Variants in CAMKMT observed in about 807,000 individuals in gnomAD.
CAMKMT encodes the protein calmodulin-lysine N-methyltransferase, also known as CaM KMT.
In CAMKMT, 53 loss-of-function variants were observed where a neutral mutation model predicts 48.0. The ratio of observed to expected loss-of-function variants is 1.10; its 90% CI spans 0.89 to 1.39. The LOEUF (loss-of-function observed/expected upper bound fraction) is 1.39. CAMKMT is among the 40% of genes most tolerant of loss of function. The pLI, the probability that CAMKMT is intolerant of heterozygous loss-of-function variation, is 0.00. For missense variants in CAMKMT, 428 were observed against 402.7 expected, an observed-to-expected ratio of 1.06 and a Z score of -0.54; for synonymous variants, 165 against 152.3, an observed-to-expected ratio of 1.08 and a Z score of -0.61.
At chr2:44,622,351 T>C (rs761938145) in intron 3 of CAMKMT, among the ~76,000 whole-genome samples, 1 of 152,176 alleles carries the variant, frequency 6.6e-6, no homozygotes, top group East Asian at 1.9e-4. Flanking sequence ...TTAAAAAACA[T>C]TTATTTTAGA....
chr2:44,410,868 A>G (rs1004834016), intron 3 of CAMKMT, among the ~76,000 whole-genome samples: 19 of 152,128 alleles, frequency 1.2e-4, no homozygotes, highest in African/African-American at 4.3e-4. Context: ...CCCACCCCCC[A>G]TCTAAAAATG....
At chr2:44,490,731 C>G (rs1025279639) in intron 3 of CAMKMT, among the ~76,000 whole-genome samples, 1 of 152,066 alleles carries the variant, frequency 6.6e-6, no homozygotes, top group African/African-American at 2.4e-5. Context: ...TCTCTCCATT[C>G]CAGCCTAATA....
chr2:44,397,345 G>T (rs1286563885), intron 3 of CAMKMT, among the ~76,000 whole-genome samples: 1 of 152,196 alleles, frequency 6.6e-6, no homozygotes, highest in Non-Finnish European at 1.5e-5. Context: ...AGAACGCATG[G>T]GTAATGATCA....
chr2:44,766,554 A>C lies in CAMKMT; in HGVS notation c.887A>C (p.His296Pro), dbSNP rs1680850562. The stretch of plus-strand genomic sequence containing the variant: ...TATGATGAACACATTTCAAACTTCC[A>C]CTCCAAGGTTAGTTTTCTGCTTGTG... ...ENYDEHISNF[H>P]SKLKKENPDI... Residue 296 changes from histidine (H) to proline (P), a missense_variant, in exon 10 of 11, where the codon CAC becomes CCC. His to Pro is a moderately conservative substitution (Grantham distance 77). Transcript: ENST00000378494. 1 of 1,613,612 alleles carries C rather than the reference A, an allele frequency of 6.2e-7. No individual in the cohort carries two copies. The highest frequency in any genetic ancestry group is 1.7e-5 in the Admixed American group (1 of 59,952).
chr2:44,518,009 A>G (rs973541581), intron 3 of CAMKMT, among the ~76,000 whole-genome samples: 5 of 151,842 alleles, frequency 3.3e-5, no homozygotes, highest in African/African-American at 1.2e-4. Context: ...CAAACTACCT[A>G]CCCATCTTGG....
chr2:44,478,348 G>A (rs1435236009), intron 3 of CAMKMT, among the ~76,000 whole-genome samples: 1 of 152,098 alleles, frequency 6.6e-6, no homozygotes, highest in Admixed American at 6.6e-5. Context: ...TAGGTTTAGA[G>A]TTTAGCCTTT....
At chr2:44,587,743 GTGCTGGGATTGCAGACGGA>G (rs1252185955) in intron 3 of CAMKMT, among the ~76,000 whole-genome samples, 2 of 134,296 alleles carry the variant, frequency 1.5e-5, no homozygotes, top group African/African-American at 2.8e-5. Context: ...GCCTCCCGAG[GTGCTGGGATTGCAGACGGA>G]GTCTCGTTCA....
chr2:44,401,745 A>T (rs920480432), intron 3 of CAMKMT, among the ~76,000 whole-genome samples: 1 of 152,158 alleles, frequency 6.6e-6, no homozygotes. Context: ...ATATATTTTC[A>T]GTTAAAATTA....
chr2:44,513,220 C>A (rs1572688123), intron 3 of CAMKMT, among the ~76,000 whole-genome samples: 2 of 152,138 alleles, frequency 1.3e-5, no homozygotes, highest in Admixed American at 1.3e-4. Flanking sequence ...AGGCCCCTTC[C>A]TGCACCCACC....
At chr2:44,485,856 G>T (rs968458851) in intron 3 of CAMKMT, among the ~76,000 whole-genome samples, 1 of 152,190 alleles carries the variant, frequency 6.6e-6, no homozygotes, top group Admixed American at 6.5e-5. Context: ...TAGAAATCAG[G>T]ATAATGCTTA....
chr2:44,549,299 C>T (rs1667576261), intron 3 of CAMKMT, among the ~76,000 whole-genome samples: 1 of 152,134 alleles, frequency 6.6e-6, no homozygotes, highest in Non-Finnish European at 1.5e-5. Context: ...ACTCAAGCAT[C>T]CTCCTTCCCA....
At chr2:44,420,248 G>C (rs1683839961) in intron 3 of CAMKMT, among the ~76,000 whole-genome samples, 1 of 152,104 alleles carries the variant, frequency 6.6e-6, no homozygotes, top group Non-Finnish European at 1.5e-5. Context: ...GTATATTTCT[G>C]CATAATTATA....
At chr2:44,744,641 A>G (rs1201451963) in intron 8 of CAMKMT, among the ~76,000 whole-genome samples, 1 of 152,168 alleles carries the variant, frequency 6.6e-6, no homozygotes, top group Non-Finnish European at 1.5e-5. Flanking sequence ...AAGGCCAATC[A>G]TAAGATCCAG....
chr2:44,440,808 T>G (rs1666607902), intron 3 of CAMKMT, among the ~76,000 whole-genome samples: 2 of 152,104 alleles, frequency 1.3e-5, no homozygotes, highest in African/African-American at 4.8e-5. Context: ...ATCGTAATTG[T>G]AGAACCTTTT....
chr2:44,698,084 G>C (rs1391451135), intron 3 of CAMKMT, among the ~76,000 whole-genome samples: 1 of 152,172 alleles, frequency 6.6e-6, no homozygotes, highest in Non-Finnish European at 1.5e-5. Flanking sequence ...AAATAAGAAT[G>C]AGAAAACTTT....
At chr2:44,606,151 A>T (rs1297207526) in intron 3 of CAMKMT, among the ~76,000 whole-genome samples, 2 of 152,154 alleles carry the variant, frequency 1.3e-5, no homozygotes, top group Non-Finnish European at 2.9e-5. Flanking sequence ...TCAGCTGTCT[A>T]CTACTTTCCC....
At chr2:44,761,108 T>C (rs554139218) in intron 9 of CAMKMT, among the ~76,000 whole-genome samples, 1 of 151,778 alleles carries the variant, frequency 6.6e-6, no homozygotes, top group African/African-American at 2.4e-5. Context: ...GGAGTGGAGG[T>C]GGCCAACTGG....
In CAMKMT at chr2:44,384,462, CA is replaced by C. The variant is rs1243876298; in HGVS notation, c.312-5775del. Among the ~76,000 whole-genome samples, 3 of 144,736 alleles carry C rather than the reference CA, an allele frequency of 2.1e-5. No individual in the cohort carries two copies. The East Asian group carries it at 6.4e-4, about 31-fold the overall frequency. The allele number at this position is 144,736 out of a possible 152,430, so 95.0% of individuals were successfully genotyped here. Reference sequence around the variant, plus strand: ...TCTGCTGACTGTTCCTTTTGCTGTACAAAAGCTCCTTAGTTTAATTAGATCT... The same window carrying C: ...TCTGCTGACTGTTCCTTTTGCTGTACAAAGCTCCTTAGTTTAATTAGATCT... On this transcript the variant is annotated intron_variant, in intron 2 of 10. Coordinates refer to ENST00000378494, the MANE Select transcript of CAMKMT (RefSeq NM_024766.5).
intron 3 of CAMKMT, among the ~76,000 whole-genome samples, chr2:44,399,763 G>T (rs1188521419): frequency 6.6e-6 from 1 of 152,044 alleles, no homozygotes; most frequent in Non-Finnish European, 1.5e-5. Context: ...GATTTTTCTT[G>T]CAGGAGGTGA....
Sources: gnomAD v4.1 joint callset for allele counts (sites outside exome capture counted in the v4.1 genomes callset) on GRCh38, gnomAD v4.1.1 for gene constraint, MANE v1.5 for transcripts, NCBI Gene and HGNC (gene_info 2026-07-23, HGNC 2026-07-21) for gene names.